The following TPH2 variants were observed in gnomAD, a reference collection of about 807,000 sequenced individuals.
TPH2 encodes tryptophan hydroxylase 2.
A neutral mutation model predicts 59.1 loss-of-function variants in TPH2; 27 were observed. The observed-to-expected ratio is 0.46, with a 90% CI of 0.34 to 0.63. The LOEUF (loss-of-function observed/expected upper bound fraction) is 0.63, where lower values mean the gene tolerates loss of function less well. Ranked by LOEUF, TPH2 falls within the 30% of genes least tolerant of loss-of-function variation. The probability of loss-of-function intolerance (pLI) is 0.01; values close to 1 mark genes in which losing one functional copy is unlikely to be tolerated. For missense variants in TPH2, 523 were observed against 588.3 expected (o/e 0.89, Z 1.15); for synonymous variants, 220 against 210.5 (o/e 1.05, Z -0.39).
intron 8 of TPH2, among the ~76,000 whole-genome samples, chr12:72,019,873 G>A (rs1303671296): frequency 6.6e-6 from 1 of 152,144 alleles, no homozygotes; most frequent in Non-Finnish European, 1.5e-5. Flanking sequence ...TCACAGGCAG[G>A]AAAACTACAA....
At chr12:71,961,998 T>G (rs1871699549) in intron 5 of TPH2, 1 of 1,028,656 alleles carries the variant, frequency 9.7e-7, no homozygotes, top group Non-Finnish European at 1.2e-6. Flanking sequence ...AAAATTCATG[T>G]GTGCAAAACT....
At chr12:71,949,374 C>A (rs1039599986) in intron 4 of TPH2, among the ~76,000 whole-genome samples, 5 of 152,108 alleles carry the variant, frequency 3.3e-5, no homozygotes, top group African/African-American at 1.2e-4. Flanking sequence ...AAACTTTAGC[C>A]TGAATTGCCA....
At chr12:71,958,281 A>G (rs1871569471) in intron 5 of TPH2, among the ~76,000 whole-genome samples, 1 of 152,200 alleles carries the variant, frequency 6.6e-6, no homozygotes, top group Non-Finnish European at 1.5e-5. Flanking sequence ...TAGAGGTTCC[A>G]AGAATGCCTC....
At chr12:71,972,382 A>G in intron 5 of TPH2, 137 bp from the exon 6 acceptor site, 1 of 814,634 alleles carries the variant, frequency 1.2e-6, no homozygotes, top group Non-Finnish European at 2.1e-6. Flanking sequence ...TTTAAAAAAT[A>G]ATACTTAATG....
intron 5 of TPH2, among the ~76,000 whole-genome samples, chr12:71,950,828 G>A (rs1871325202): frequency 6.6e-6 from 1 of 152,056 alleles, no homozygotes. Flanking sequence ...TTTATAAAAA[G>A]GGATTTGACC....
chr12:71,949,705 C>T (rs773209761), intron 5 of TPH2, 50 bp downstream of exon 5: 3 of 1,500,466 alleles, frequency 2.0e-6, no homozygotes, highest in East Asian at 2.3e-5. Context: ...AGGAAAAACA[C>T]ATGCTGTGTT....
intron 5 of TPH2, chr12:71,962,677 A>T: frequency 1.0e-6 from 1 of 984,692 alleles, no homozygotes. Context: ...GTTTTGCTTT[A>T]GGCTGATTGA....
At chr12:71,994,341 A>T in intron 7 of TPH2, 98 bp from the exon 8 acceptor site, 1 of 1,327,648 alleles carries the variant, frequency 7.5e-7, no homozygotes, top group Non-Finnish European at 1.1e-6. Context: ...CTAATTAATT[A>T]CAGTGACAAG....
At chr12:72,022,342 A>C in intron 8 of TPH2, 57 bp from the exon 9 acceptor site, 1 of 1,280,178 alleles carries the variant, frequency 7.8e-7, no homozygotes, top group Non-Finnish European at 1.1e-6. Flanking sequence ...GGTGCCATTT[A>C]ATCCTATCAA....
intron 8 of TPH2, among the ~76,000 whole-genome samples, chr12:72,021,416 C>T (rs1291155341): frequency 1.3e-5 from 2 of 149,730 alleles, no homozygotes; most frequent in East Asian, 3.9e-4. Flanking sequence ...TAACATCCGC[C>T]CCACTGCTTT....
chr12:72,023,359 C>G (rs1873474884), intron 9 of TPH2, among the ~76,000 whole-genome samples: 1 of 152,234 alleles, frequency 6.6e-6, no homozygotes, highest in Non-Finnish European at 1.5e-5. Context: ...GTTATTGGTA[C>G]TTTTTGGCCA....
chr12:72,021,785 T>C (rs1873427174), intron 8 of TPH2, among the ~76,000 whole-genome samples: 1 of 152,176 alleles, frequency 6.6e-6, no homozygotes, highest in African/African-American at 2.4e-5. Context: ...TGCATATACA[T>C]ATGCAAACAT....
chr12:71,972,801 C>A, intron 6 of TPH2, 86 bp downstream of exon 6: 3 of 1,373,552 alleles, frequency 2.2e-6, no homozygotes, highest in Non-Finnish European at 2.0e-6. Flanking sequence ...GCTCTTTTTC[C>A]AAAAAAGGAA....
At chr12:72,005,746 GT>G (rs1299064160) in intron 8 of TPH2, among the ~76,000 whole-genome samples, 1 of 152,172 alleles carries the variant, frequency 6.6e-6, no homozygotes, top group Non-Finnish European at 1.5e-5. Flanking sequence ...TGGCTGATAA[GT>G]TTTGTTTGCT....
chr12:71,964,495 T>C (rs1384512767), intron 5 of TPH2: 8 of 978,076 alleles, frequency 8.2e-6, no homozygotes, highest in East Asian at 2.3e-4. Context: ...ATGCAGAATA[T>C]ATATATATAT....
intron 7 of TPH2, among the ~76,000 whole-genome samples, chr12:71,980,631 G>A (rs1180575186): frequency 6.6e-6 from 1 of 152,152 alleles, no homozygotes; most frequent in Non-Finnish European, 1.5e-5. Flanking sequence ...AAGAAGCACT[G>A]TCAGAGTTAG....
intron 7 of TPH2, among the ~76,000 whole-genome samples, chr12:71,990,844 A>G (rs373113519): frequency 6.6e-6 from 1 of 152,236 alleles, no homozygotes; most frequent in East Asian, 1.9e-4. Context: ...AGTGGGCACA[A>G]GTTAGCAAAA....
At chr12:71,972,740 T>G (rs1162796377) in intron 6 of TPH2, 25 bp downstream of exon 6, 15 of 1,608,894 alleles carry the variant, frequency 9.3e-6, no homozygotes, top group Admixed American at 1.7e-5. Flanking sequence ...AGGCTGTCTC[T>G]TATTAGTCAA....
intron 7 of TPH2, 57 bp from the exon 8 acceptor site, chr12:71,994,382 C>A: frequency 6.2e-7 from 1 of 1,602,766 alleles, no homozygotes; most frequent in Non-Finnish European, 8.5e-7. Flanking sequence ...TCTTGTTCTA[C>A]CAGTGGTAAT....
Sources: gnomAD v4.1 joint callset for allele counts (sites outside exome capture counted in the v4.1 genomes callset) on GRCh38, gnomAD v4.1.1 for gene constraint, MANE v1.5 for transcripts, NCBI Gene and HGNC (gene_info 2026-07-23, HGNC 2026-07-21) for gene names.